The following NME1 variants were observed in gnomAD, a reference collection of about 807,000 sequenced individuals.
The protein encoded by NME1 is nucleoside diphosphate kinase A.
A neutral mutation model predicts 17.2 loss-of-function variants in NME1; 9 were observed. That is an observed-to-expected ratio of 0.52 (90% CI 0.32 to 0.92). NME1 has a LOEUF of 0.92. Among genes scored for constraint, NME1 ranks in the 40% least tolerant of loss-of-function variants. The pLI is 0.04. For missense variants in NME1, 169 were observed against 201.7 expected (o/e 0.84, Z 0.98); for synonymous variants, 72 against 70.8 (o/e 1.02, Z -0.09).
Position 51,157,852 on chromosome 17 carries a change from T to C in NME1, c.126+2072T>C, listed in dbSNP as rs2049809166. On this transcript the variant is annotated intron_variant, in intron 2 of 4. Transcript: ENST00000393196. ...AAGGATATATGGGTTTGGTGAAGAA[T>C]GGACGGAAGGATAGCTGCCATGACT... Among the ~76,000 whole-genome samples the C allele has an allele frequency of 2.6e-5, 4 of 152,166 alleles. No homozygotes were observed. The South Asian group carries it at 8.3e-4, about 31-fold the overall frequency.
At chr17:51,154,606 A>G (rs960555171) in intron 1 of NME1, among the ~76,000 whole-genome samples, 2 of 152,194 alleles carry the variant, frequency 1.3e-5, no homozygotes, top group African/African-American at 4.8e-5. Context: ...TTTGCATTGT[A>G]AAGTGTAGCA....
At chr17:51,160,185 T>C in intron 3 of NME1, 104 bp downstream of exon 3, 6 of 1,251,542 alleles carry the variant, frequency 4.8e-6, no homozygotes, top group Non-Finnish European at 5.8e-6. Flanking sequence ...ACCAAATAGA[T>C]ACCTGTTTTC....
intron 3 of NME1, 85 bp downstream of exon 3, chr17:51,160,166 A>G: frequency 6.9e-7 from 1 of 1,454,744 alleles, no homozygotes; most frequent in Non-Finnish European, 9.6e-7. Context: ...GGATACAGCC[A>G]TGAATGAGAC....
intron 4 of NME1, chr17:51,161,525 T>C: frequency 3.0e-6 from 2 of 666,096 alleles, no homozygotes; most frequent in Non-Finnish European, 5.3e-6. Flanking sequence ...TCTCACTGTT[T>C]GCACCAGCGT....
intron 2 of NME1, among the ~76,000 whole-genome samples, chr17:51,159,649 CAG>C (rs2049836108): frequency 6.6e-6 from 1 of 151,698 alleles, no homozygotes; most frequent in Non-Finnish European, 1.5e-5. Flanking sequence ...TGTGTGTCTA[CAG>C]TCCTACCTAC....
chr17:51,160,297 C>CA (rs2049846264), intron 3 of NME1: 1 of 650,880 alleles, frequency 1.5e-6, no homozygotes, highest in Non-Finnish European at 2.8e-6. Flanking sequence ...TCAAAGAACG[C>CA]AATTTTTAAG....
chr17:51,155,580 C>A, intron 1 of NME1, 71 bp from the exon 2 acceptor site: 1 of 1,598,918 alleles, frequency 6.3e-7, no homozygotes, highest in Non-Finnish European at 8.5e-7. Context: ...ATGGGATAAT[C>A]CGCTTGAGAC....
intron 2 of NME1, among the ~76,000 whole-genome samples, chr17:51,158,681 T>G (rs1045689668): frequency 6.6e-6 from 1 of 152,126 alleles, no homozygotes; most frequent in African/African-American, 2.4e-5. Context: ...GGGCAGCCAG[T>G]CTCCACATCT....
At chr17:51,154,159 C>CTT (rs1191043162) in intron 1 of NME1, 350 of 456,630 alleles carry the variant, frequency 7.7e-4, no homozygotes, top group South Asian at 1.6e-3. Context: ...GTCTCTCTCT[C>CTT]TTTTTTTTTT....
chr17:51,157,475 A>C (rs542256731), intron 2 of NME1, among the ~76,000 whole-genome samples: 2 of 152,188 alleles, frequency 1.3e-5, no homozygotes, highest in Non-Finnish European at 2.9e-5. Context: ...CTCATGACCT[A>C]AACACCTCCC....
chr17:51,159,092 T>C (rs1882292999), intron 2 of NME1, among the ~76,000 whole-genome samples: 1 of 152,246 alleles, frequency 6.6e-6, no homozygotes, highest in Admixed American at 6.5e-5. Context: ...GGTGTCCTTC[T>C]AACATTTTAT....
intron 3 of NME1, 115 bp downstream of exon 3, chr17:51,160,196 A>G (rs1170729906): frequency 9.0e-7 from 1 of 1,109,788 alleles, no homozygotes; most frequent in Non-Finnish European, 1.4e-6. Context: ...ACCTGTTTTC[A>G]TATACCAGCT....
chr17:51,155,956 C>A, intron 2 of NME1, 176 bp downstream of exon 2: 1 of 965,034 alleles, frequency 1.0e-6, no homozygotes, highest in Non-Finnish European at 1.5e-6. Flanking sequence ...TTGGAACAAA[C>A]CAAGTTATTT....
intron 3 of NME1, chr17:51,160,949 T>C (rs2049856219): frequency 1.4e-6 from 1 of 692,886 alleles, no homozygotes; most frequent in Non-Finnish European, 2.6e-6. Flanking sequence ...GGTTGCTGTA[T>C]GGAGAATACA....
At chr17:51,158,417 G>A (rs1313023467) in intron 2 of NME1, among the ~76,000 whole-genome samples, 1 of 152,176 alleles carries the variant, frequency 6.6e-6, no homozygotes, top group East Asian at 1.9e-4. Flanking sequence ...TCCAGCCTGG[G>A]TGACAGAAAG....
chr17:51,161,482 AAC>A, intron 4 of NME1: 1 of 673,998 alleles, frequency 1.5e-6, no homozygotes, highest in South Asian at 1.8e-5. Flanking sequence ...AACCTGGTAC[AAC>A]ACACTTTGCT....
At position 51,160,080 on chromosome 17, in the gene NME1, T is replaced by G. The variant is rs887812757; in HGVS notation, c.227T>G (p.Met76Arg). 1 of 1,614,032 alleles carries G rather than the reference T, an allele frequency of 6.2e-7. No homozygotes were observed. Among genetic ancestry groups the G allele is most frequent in the Non-Finnish European group, 8.5e-7 (1 of 1,180,036 alleles). The change falls in exon 3 of 5, where the codon ATG becomes AGG. Residue 76 changes from methionine to arginine, a missense_variant and splice_region_variant. Met to Arg is a moderately conservative substitution (Grantham distance 91). Coordinates refer to ENST00000393196, the MANE Select transcript of NME1 (RefSeq NM_000269.3). Reference protein sequence around the residue: ...KYMHSGPVVAMVWEGLNVVKT... With the variant: ...KYMHSGPVVARVWEGLNVVKT... ...ATGCACTCAGGGCCGGTAGTTGCCA[T>G]GGTGAGTGTGCCTGTGTGGGATACT... is the stretch of plus-strand genomic sequence containing the variant.
intron 1 of NME1, chr17:51,154,416 G>C: frequency 6.2e-7 from 1 of 1,614,122 alleles, no homozygotes; most frequent in South Asian, 1.1e-5. Flanking sequence ...TCAAGGCGAG[G>C]GGCCTCCTAT....
At chr17:51,156,934 C>T (rs1333566636) in intron 2 of NME1, among the ~76,000 whole-genome samples, 12 of 145,428 alleles carry the variant, frequency 8.3e-5, no homozygotes, top group South Asian at 2.2e-4. Context: ...ACCCAGGAGG[C>T]GGAGGTTTCA....
Sources: allele counts gnomAD v4.1 joint callset (sites outside exome capture counted in the v4.1 genomes callset), GRCh38; gene constraint gnomAD v4.1.1; transcripts MANE v1.5; gene names NCBI Gene and HGNC (gene_info 2026-07-23, HGNC 2026-07-21).